The following TRHDE variants were observed in gnomAD, a reference collection of about 807,000 sequenced individuals.
The protein encoded by TRHDE is thyrotropin releasing hormone degrading enzyme.
A neutral mutation model predicts 125.7 loss-of-function variants in TRHDE; 72 were observed. That is an observed-to-expected ratio of 0.57 (90% CI 0.47 to 0.70). The LOEUF is 0.70. Ranked by LOEUF, TRHDE falls within the 30% of genes least tolerant of loss-of-function variation. The pLI, the probability that TRHDE is intolerant of heterozygous loss-of-function variation, is 0.00. For missense variants in TRHDE, 1,110 were observed against 1,327.1 expected (o/e 0.84, Z 2.54); for synonymous variants, 509 against 509.1 (o/e 1.00, Z 0.00).
Position 72,652,438 on chromosome 12 carries a change from A to T in TRHDE, c.2792A>T (p.Lys931Ile). The part of the protein sequence containing the change: ...FHSTTAVSEK[K>I]ILLEALTCSD... ...TCCACCACAGCAGTTTCTGAGAAGA[A>T]AATATTATTGGAAGCCTTAACTTGC... Residue 931 changes from lysine to isoleucine, a missense_variant, in exon 16 of 19, where the codon AAA (lysine) becomes ATA (isoleucine). Lys to Ile is a moderately radical substitution (Grantham distance 102). Around this residue, in one of 5 missense-constraint regions of TRHDE, gnomAD observed 527 missense variants for 651.8 expected, o/e 0.81. Transcript: ENST00000261180. The T allele has an allele frequency of 6.2e-7, 1 of 1,609,142 alleles. No homozygotes were observed. The highest frequency in any genetic ancestry group is 8.5e-7 in the Non-Finnish European group (1 of 1,177,390).
chr12:72,290,107 AT>A (rs1461959884), intron 2 of TRHDE, among the ~76,000 whole-genome samples: 2 of 152,216 alleles, frequency 1.3e-5, no homozygotes, highest in Non-Finnish European at 2.9e-5. Flanking sequence ...AGAGGGAGAA[AT>A]TCTTAAGGTT....
At chr12:72,331,609 A>G (rs1869603413) in intron 2 of TRHDE, among the ~76,000 whole-genome samples, 1 of 152,174 alleles carries the variant, frequency 6.6e-6, no homozygotes, top group South Asian at 2.1e-4. Flanking sequence ...GCGAGACTTC[A>G]TGGAAGAGGT....
chr12:72,234,275 G>A (rs1302986595), intron 2 of TRHDE, among the ~76,000 whole-genome samples: 2 of 152,068 alleles, frequency 1.3e-5, no homozygotes, highest in African/African-American at 4.8e-5. Flanking sequence ...CAGCAGCCTC[G>A]TGTTATTGAA....
intron 2 of TRHDE, among the ~76,000 whole-genome samples, chr12:72,375,149 G>A (rs1871815853): frequency 6.6e-6 from 1 of 152,138 alleles, no homozygotes; most frequent in Non-Finnish European, 1.5e-5. Flanking sequence ...TGGCAGGGAA[G>A]GGAGGGTACA....
intron 2 of TRHDE, among the ~76,000 whole-genome samples, chr12:72,179,434 G>A (rs1405152479): frequency 2.6e-5 from 4 of 151,996 alleles, no homozygotes; most frequent in East Asian, 1.9e-4. Context: ...TGTATCTGTC[G>A]CCTCCAGGTA....
chr12:72,662,680 T>A (rs1468201798), intron 18 of TRHDE, among the ~76,000 whole-genome samples: 3 of 152,194 alleles, frequency 2.0e-5, no homozygotes, highest in Non-Finnish European at 4.4e-5. Context: ...TGGTGCATTG[T>A]ATACACATTG....
intron 3 of TRHDE, among the ~76,000 whole-genome samples, chr12:72,438,261 C>A (rs968905911): frequency 3.3e-5 from 5 of 151,630 alleles, no homozygotes; most frequent in African/African-American, 1.2e-4. Flanking sequence ...TATCTTTGAC[C>A]TATTGATGTC....
intron 2 of TRHDE, among the ~76,000 whole-genome samples, chr12:72,248,345 G>A (rs1289949100): frequency 6.7e-6 from 1 of 149,184 alleles, no homozygotes; most frequent in Non-Finnish European, 1.5e-5. Context: ...TTCAACTCGG[G>A]AGGCGGAGGT....
rs1396910867 is a variant in TRHDE at position 72,665,052 on chromosome 12, A to G, written c.*1857A>G. On this transcript the variant is annotated 3_prime_UTR_variant, in exon 19 of 19. Transcript: ENST00000261180. The stretch of plus-strand genomic sequence containing the variant: ...AAATGATAAAATCCAGTTACCACAT[A>G]TCACGTTTATAAAATCCTTAATTAA... The G allele has an allele frequency of 2.6e-5, 4 of 152,054 alleles. No homozygotes were observed. The highest frequency in any genetic ancestry group is 1.5e-5 in the Non-Finnish European group (1 of 67,968). The allele number at this position is 152,054 out of a possible 1,614,324, so 9.4% of individuals were successfully genotyped here.
chr12:72,135,049 A>G (rs1252445626), intron 2 of TRHDE, among the ~76,000 whole-genome samples: 3 of 152,170 alleles, frequency 2.0e-5, no homozygotes, highest in Admixed American at 1.3e-4. Flanking sequence ...AAAAGAAAAA[A>G]GAAAAGACAA....
chr12:72,630,955 C>A (rs1873470869), intron 15 of TRHDE, among the ~76,000 whole-genome samples: 1 of 149,130 alleles, frequency 6.7e-6, no homozygotes, highest in Admixed American at 6.7e-5. Context: ...AGAGTTCCTT[C>A]ATTTTTTTCT....
At chr12:72,422,053 GATTT>G (rs1355547166) in intron 3 of TRHDE, among the ~76,000 whole-genome samples, 1 of 152,018 alleles carries the variant, frequency 6.6e-6, no homozygotes, top group African/African-American at 2.4e-5. Context: ...TAGCTACAAT[GATTT>G]ATTATCTCCC....
chr12:72,621,954 T>C (rs1189652682), intron 15 of TRHDE, among the ~76,000 whole-genome samples: 1 of 152,156 alleles, frequency 6.6e-6, no homozygotes, highest in Non-Finnish European at 1.5e-5. Context: ...TTCATTGACT[T>C]TATGCTAACT....
At chr12:72,571,300 AT>A (rs1192698189) in intron 10 of TRHDE, among the ~76,000 whole-genome samples, 1 of 152,218 alleles carries the variant, frequency 6.6e-6, no homozygotes, top group Non-Finnish European at 1.5e-5. Context: ...TCTTTTAAAC[AT>A]ATGTAAAACA....
intron 2 of TRHDE, among the ~76,000 whole-genome samples, chr12:72,228,610 T>A (rs541108716): frequency 6.6e-6 from 1 of 152,202 alleles, no homozygotes; most frequent in South Asian, 2.1e-4. Context: ...AGAAAATGAG[T>A]TTTTCTTGTC....
At chr12:72,336,483 C>T (rs1375995506) in intron 2 of TRHDE, among the ~76,000 whole-genome samples, 1 of 152,160 alleles carries the variant, frequency 6.6e-6, no homozygotes, top group East Asian at 1.9e-4. Context: ...CAACATGTTG[C>T]ATTTAGTTAT....
In TRHDE at chr12:72,187,310, A is replaced by AACACACAC. The variant is rs59164233; in HGVS notation, n.279+81603_279+81610dup. On this transcript the variant is annotated intron_variant and non_coding_transcript_variant, in intron 2 of 4. Coordinates refer to the TRHDE transcript ENST00000548156. ...GTACTAGGGTTCTTCAGAGAAACAC[A>AACACACAC]ACACACACACACACACACACACACA... Among the ~76,000 whole-genome samples, 1,161 of 131,326 alleles carry AACACACAC rather than the reference A, an allele frequency of 8.8e-3. 11 individuals carry two copies. Among genetic ancestry groups the AACACACAC allele is most frequent in the Admixed American group, 9.9e-3 (131 of 13,276 alleles). The allele number at this position is 131,326 out of a possible 152,430, so 86.2% of individuals were successfully genotyped here.
chr12:72,394,222 C>T (rs1200225641), intron 3 of TRHDE, among the ~76,000 whole-genome samples: 2 of 152,076 alleles, frequency 1.3e-5, no homozygotes, highest in Non-Finnish European at 2.9e-5. Flanking sequence ...ATTCTAAACA[C>T]AGAGAAATTT....
chr12:72,307,260 C>T (rs1477753851), intron 2 of TRHDE, among the ~76,000 whole-genome samples: 5 of 151,954 alleles, frequency 3.3e-5, no homozygotes, highest in Non-Finnish European at 7.4e-5. Context: ...CTCTGCCTCC[C>T]GGCAAGTGAT....
Sources: allele counts gnomAD v4.1 joint callset (sites outside exome capture counted in the v4.1 genomes callset), GRCh38; gene constraint gnomAD v4.1.1; regional missense constraint gnomAD v4.1.1; transcripts MANE v1.5; gene names NCBI Gene and HGNC (gene_info 2026-07-23, HGNC 2026-07-21).